The following SLC38A9 variants were observed in gnomAD, a reference collection of about 807,000 sequenced individuals.
The protein encoded by SLC38A9 is solute carrier family 38 member 9.
SLC38A9 carries 48 observed loss-of-function variants against 62.3 expected under a neutral mutation model. The observed-to-expected ratio is 0.77, with a 90% CI of 0.61 to 0.98. SLC38A9 has a LOEUF of 0.98. Among genes scored for constraint, SLC38A9 ranks in the 50% least tolerant of loss-of-function variants. The pLI is 0.00. For synonymous variants in SLC38A9, 204 were observed against 227.7 expected, an observed-to-expected ratio of 0.90 and a Z score of 0.94; for missense variants, 541 against 679.8, an observed-to-expected ratio of 0.80 and a Z score of 2.27.
intron 3 of SLC38A9, among the ~76,000 whole-genome samples, chr5:55,674,374 TG>T (rs1411456821): frequency 6.6e-6 from 1 of 152,172 alleles, no homozygotes; most frequent in Non-Finnish European, 1.5e-5. Context: ...GTCCCAACAG[TG>T]GGACCTTTAA....
At chr5:55,678,525 A>G (rs1246266076) in intron 3 of SLC38A9, among the ~76,000 whole-genome samples, 1 of 152,208 alleles carries the variant, frequency 6.6e-6, no homozygotes, top group Non-Finnish European at 1.5e-5. Context: ...TACTAAATAT[A>G]CAAACTAGTA....
chr5:55,697,672 A>AT (rs112849272), intron 3 of SLC38A9, among the ~76,000 whole-genome samples, 174 bp downstream of exon 3: 3 of 146,718 alleles, frequency 2.0e-5, no homozygotes, highest in Non-Finnish European at 4.5e-5. Context: ...AAAAAAAAAA[A>AT]AAATATAAAC....
chr5:55,671,658 G>A (rs1419673798), intron 4 of SLC38A9, among the ~76,000 whole-genome samples: 2 of 151,994 alleles, frequency 1.3e-5, no homozygotes, highest in Non-Finnish European at 2.9e-5. Context: ...GACCAGCCTG[G>A]CCAACATGGT....
intron 12 of SLC38A9, among the ~76,000 whole-genome samples, chr5:55,640,433 T>C (rs778076763): frequency 6.6e-6 from 1 of 152,226 alleles, no homozygotes; most frequent in Non-Finnish European, 1.5e-5. Context: ...TTTTATGGTA[T>C]TTACATATGA....
chr5:55,669,969 C>CA, intron 4 of SLC38A9, 90 bp from the exon 5 acceptor site: 2 of 1,196,158 alleles, frequency 1.7e-6, no homozygotes, highest in Non-Finnish European at 1.2e-6. Flanking sequence ...CTCTAGACAC[C>CA]TTTTTTTTTC....
In SLC38A9 at chr5:55,669,623, G is replaced by C; in HGVS notation, c.369-3C>G. ...TCATGGTATTCCAAATCATAAAACT[G>C]AAAACACAGAGTAATAGCAGTAAAA... On this transcript the variant is annotated splice_region_variant and splice_polypyrimidine_tract_variant and intron_variant, in intron 5 of 15. Coordinates refer to ENST00000396865, the MANE Select transcript of SLC38A9 (RefSeq NM_173514.4). 1 of 1,608,022 alleles carries C rather than the reference G, an allele frequency of 6.2e-7. No homozygotes were observed. The highest frequency in any genetic ancestry group is 8.5e-7 in the Non-Finnish European group (1 of 1,175,896).
At chr5:55,695,930 C>G (rs1580398291) in intron 3 of SLC38A9, 1 of 79,900 alleles carries the variant, frequency 1.3e-5, no homozygotes, top group African/African-American at 3.8e-5. Context: ...GACGGGGCGG[C>G]TGGCCGGGCA....
intron 8 of SLC38A9, among the ~76,000 whole-genome samples, chr5:55,662,267 A>T (rs1024419364): frequency 6.6e-6 from 1 of 152,240 alleles, no homozygotes; most frequent in Non-Finnish European, 1.5e-5. Context: ...GAGAACAGAT[A>T]AAAAAGTTGT....
chr5:55,689,236 GA>G (rs1296803841), intron 3 of SLC38A9, among the ~76,000 whole-genome samples: 1 of 152,128 alleles, frequency 6.6e-6, no homozygotes, highest in African/African-American at 2.4e-5. Flanking sequence ...TGATTTTACA[GA>G]AAACATATCT....
chr5:55,647,220 T>C (rs35663071), intron 11 of SLC38A9, among the ~76,000 whole-genome samples: 90,221 of 151,726 alleles, frequency 0.59, 27,498 homozygotes, highest in South Asian at 0.7. Flanking sequence ...AATTAACCAC[T>C]TACCTATAAT....
Position 55,691,249 on chromosome 5 carries a change from T to C in SLC38A9, c.113+6597A>G, listed in dbSNP as rs533867090. The C allele has an allele frequency of 4.2e-6, 5 of 1,190,652 alleles. No homozygotes were observed. In the African/African-American group the frequency reaches 4.5e-5, roughly 11 times the overall value. 73.8% of individuals were successfully genotyped at this position (1,190,652 alleles called of 1,614,324 possible). A position where few individuals can be genotyped will look rare whatever the true frequency, so the allele number is the denominator to read the frequency against. ...AATGTAATAGACTAAGTCTCTGACA[T>C]ATCCAATTGTTTTCCATTATAATAC... On this transcript the variant is annotated intron_variant, in intron 3 of 15. Transcript: ENST00000396865.
At chr5:55,663,681 C>A (rs1039508299) in intron 8 of SLC38A9, among the ~76,000 whole-genome samples, 1 of 152,010 alleles carries the variant, frequency 6.6e-6, no homozygotes, top group Non-Finnish European at 1.5e-5. Context: ...TGCAGTGATC[C>A]GAGATCGCGC....
chr5:55,641,130 A>G (rs111559343), intron 12 of SLC38A9, among the ~76,000 whole-genome samples: 7,437 of 152,266 alleles, frequency 0.049, 312 homozygotes, highest in African/African-American at 0.11. Flanking sequence ...ATGAGCCACC[A>G]TGCCCGGCCA....
At position 55,626,569 on chromosome 5, in the gene SLC38A9, T is replaced by C. The variant is rs368118578; in HGVS notation, c.1611A>G (p.Thr537=). The C allele has an allele frequency of 1.4e-4, 218 of 1,613,822 alleles. No homozygotes were observed. The highest frequency in any genetic ancestry group is 1.8e-4 in the Non-Finnish European group (215 of 1,179,906). Residue 537 remains threonine (T), a synonymous_variant, in exon 16 of 16, where the codon ACA becomes ACG. Transcript: ENST00000396865. ...AAACGTGGAAGATTAATTTAGGCCA[T>C]GTCAGACGCTCTTCTTGGTGGAGGG... ...IISLHQEERL[T]WPKLIFHVFI... is the part of the protein sequence containing the mutation.
At chr5:55,666,377 G>T (rs1333352854) in intron 7 of SLC38A9, among the ~76,000 whole-genome samples, 1 of 152,140 alleles carries the variant, frequency 6.6e-6, no homozygotes, top group African/African-American at 2.4e-5. Flanking sequence ...TGTCATCAAA[G>T]GATAATTTTA....
intron 2 of SLC38A9, among the ~76,000 whole-genome samples, chr5:55,709,608 T>C (rs939548180): frequency 2.0e-5 from 3 of 152,062 alleles, no homozygotes; most frequent in Non-Finnish European, 4.4e-5. Flanking sequence ...AAAAAAATAC[T>C]AAACAATACT....
chr5:55,671,502 C>CTTTTTTTTTTTTTTTTT (rs145470405), intron 4 of SLC38A9, among the ~76,000 whole-genome samples: 1 of 144,352 alleles, frequency 6.9e-6, no homozygotes, highest in Non-Finnish European at 1.5e-5. Flanking sequence ...GTTTCCCATT[C>CTTTTTTTTTTTTTTTTT]TTCTTTTTTT....
At chr5:55,657,489 A>AGTT (rs1554056543) in intron 8 of SLC38A9, among the ~76,000 whole-genome samples, 1 of 87,880 alleles carries the variant, frequency 1.1e-5, no homozygotes, top group Non-Finnish European at 2.7e-5. Flanking sequence ...GGAAAATCAA[A>AGTT]GTTTTTTTTT....
intron 15 of SLC38A9, among the ~76,000 whole-genome samples, chr5:55,627,206 C>T (rs144042963): frequency 6.6e-6 from 1 of 152,108 alleles, no homozygotes; most frequent in South Asian, 2.1e-4. Context: ...CTGGTAAGCC[C>T]TTTATATTCA....
Sources: allele counts gnomAD v4.1 joint callset (sites outside exome capture counted in the v4.1 genomes callset), GRCh38; gene constraint gnomAD v4.1.1; transcripts MANE v1.5; gene names NCBI Gene and HGNC (gene_info 2026-07-23, HGNC 2026-07-21).